The following CACNA2D3 variants were observed in gnomAD, a reference collection of about 807,000 sequenced individuals.
CACNA2D3 encodes calcium voltage-gated channel auxiliary subunit alpha2delta 3.
CACNA2D3 carries 60 observed loss-of-function variants against 160.6 expected under a neutral mutation model. The ratio of observed to expected loss-of-function variants is 0.37; its 90% CI spans 0.30 to 0.46. The LOEUF is 0.46. Ranked by LOEUF, CACNA2D3 falls within the 20% of genes least tolerant of loss-of-function variation. The probability of loss-of-function intolerance (pLI) is 1.00; values close to 1 mark genes in which losing one functional copy is unlikely to be tolerated. For synonymous variants in CACNA2D3, 558 were observed against 492.9 expected, an observed-to-expected ratio of 1.13 and a Z score of -1.75; for missense variants, 1,205 against 1,365.0, an observed-to-expected ratio of 0.88 and a Z score of 1.85.
At chr3:54,175,537 C>T (rs1018139762) in intron 2 of CACNA2D3, among the ~76,000 whole-genome samples, 6 of 147,222 alleles carry the variant, frequency 4.1e-5, no homozygotes, top group Middle Eastern at 7.2e-3. Context: ...GGTGTGAACC[C>T]GGGAGGCAGA....
At chr3:54,682,586 G>C (rs1700374092) in intron 11 of CACNA2D3, among the ~76,000 whole-genome samples, 1 of 152,238 alleles carries the variant, frequency 6.6e-6, no homozygotes, top group East Asian at 1.9e-4. Flanking sequence ...ACTCCAGCCT[G>C]GGTGACAGAG....
chr3:54,308,059 A>C (rs573273391), intron 2 of CACNA2D3, among the ~76,000 whole-genome samples: 1 of 152,254 alleles, frequency 6.6e-6, no homozygotes, highest in African/African-American at 2.4e-5. Context: ...CTTTCTGTAG[A>C]TTGTGGCTTG....
intron 2 of CACNA2D3, among the ~76,000 whole-genome samples, chr3:54,221,977 G>A (rs531990340): frequency 3.3e-4 from 50 of 152,112 alleles, no homozygotes; most frequent in Non-Finnish European, 6.5e-4. Context: ...GCCTCCCAAA[G>A]TGTTGGGATA....
At chr3:54,918,811 T>A (rs906714879) in intron 27 of CACNA2D3, 21 of 1,613,356 alleles carry the variant, frequency 1.3e-5, no homozygotes, top group Non-Finnish European at 1.8e-5. Context: ...GCAGGGCTGG[T>A]ACAGCTCATG....
intron 30 of CACNA2D3, among the ~76,000 whole-genome samples, chr3:54,985,894 A>G (rs1173851864): frequency 6.6e-6 from 1 of 152,166 alleles, no homozygotes. Context: ...CAAAATGCCC[A>G]TTCCCAGTCT....
chr3:54,156,923 A>G (rs566677064), intron 2 of CACNA2D3, among the ~76,000 whole-genome samples: 1 of 152,314 alleles, frequency 6.6e-6, no homozygotes, highest in Admixed American at 6.5e-5. Context: ...TATTTTTTTA[A>G]GCTATTAGTT....
intron 4 of CACNA2D3, among the ~76,000 whole-genome samples, chr3:54,417,451 A>G (rs1367100726): frequency 6.6e-6 from 1 of 152,050 alleles, no homozygotes; most frequent in Admixed American, 6.6e-5. Flanking sequence ...GGACTAGTTT[A>G]TTTTCTTTCC....
intron 5 of CACNA2D3, among the ~76,000 whole-genome samples, chr3:54,554,070 T>A (rs1702201809): frequency 6.6e-6 from 1 of 152,046 alleles, no homozygotes; most frequent in South Asian, 2.1e-4. Context: ...CAAGTCAGGG[T>A]TTTTGATCTT....
At chr3:54,740,256 G>A (rs2107039728) in intron 11 of CACNA2D3, among the ~76,000 whole-genome samples, 1 of 152,230 alleles carries the variant, frequency 6.6e-6, no homozygotes, top group South Asian at 2.1e-4. Context: ...AAGACACAAT[G>A]ATTGCTTAGG....
At chr3:54,425,803 C>T (rs1041262701) in intron 4 of CACNA2D3, among the ~76,000 whole-genome samples, 1 of 152,356 alleles carries the variant, frequency 6.6e-6, no homozygotes, top group Non-Finnish European at 1.5e-5. Flanking sequence ...TTCCCTGCCC[C>T]GGAGCATCCC....
At chr3:54,922,715 C>T (rs1344307930) in intron 27 of CACNA2D3, among the ~76,000 whole-genome samples, 1 of 152,050 alleles carries the variant, frequency 6.6e-6, no homozygotes, top group Non-Finnish European at 1.5e-5. Flanking sequence ...CTTAAATATA[C>T]AACCTCCAAC....
rs146148236 is a variant in CACNA2D3 at position 54,705,008 on chromosome 3, C to T, written c.1168-47591C>T. Among the ~76,000 whole-genome samples, 835 of 152,238 alleles carry T rather than the reference C, an allele frequency of 5.5e-3. 4 individuals are homozygous for T. The highest frequency in any genetic ancestry group is 0.01 in the Middle Eastern group (3 of 294). On this transcript the variant is annotated intron_variant, in intron 11 of 37. Coordinates refer to ENST00000474759, the MANE Select transcript of CACNA2D3 (RefSeq NM_018398.3). ...CTGAGCTCTGCTGGGTACAGAGCTACTGTGGACCATGGAGTGTAGCTGGCC... is the reference window on the plus strand; with the variant it reads ...CTGAGCTCTGCTGGGTACAGAGCTATTGTGGACCATGGAGTGTAGCTGGCC...
chr3:54,580,527 G>C (rs895344852), intron 8 of CACNA2D3, among the ~76,000 whole-genome samples: 1 of 152,170 alleles, frequency 6.6e-6, no homozygotes, highest in Non-Finnish European at 1.5e-5. Context: ...GGGTCTGGGA[G>C]AGATGGTTCT....
intron 4 of CACNA2D3, among the ~76,000 whole-genome samples, chr3:54,498,401 C>T (rs926987874): frequency 1.3e-5 from 2 of 151,954 alleles, no homozygotes; most frequent in African/African-American, 4.8e-5. Flanking sequence ...CTTATCCTTT[C>T]ATTATCTGTA....
intron 31 of CACNA2D3, among the ~76,000 whole-genome samples, chr3:54,988,899 G>C (rs1316256817): frequency 6.6e-6 from 1 of 152,130 alleles, no homozygotes; most frequent in Non-Finnish European, 1.5e-5. Context: ...AGGCCTGCCT[G>C]TAGCAGATCG....
At chr3:54,947,152 T>A (rs1319392362) in intron 27 of CACNA2D3, among the ~76,000 whole-genome samples, 1 of 152,202 alleles carries the variant, frequency 6.6e-6, no homozygotes, top group Non-Finnish European at 1.5e-5. Flanking sequence ...CCAGTTTTCA[T>A]CATCATAATC....
At chr3:54,982,726 T>A (rs1047346467) in intron 29 of CACNA2D3, among the ~76,000 whole-genome samples, 5 of 151,696 alleles carry the variant, frequency 3.3e-5, no homozygotes, top group East Asian at 3.9e-4. Context: ...TTTTTTTTTT[T>A]AATTATAGGC....
intron 4 of CACNA2D3, among the ~76,000 whole-genome samples, chr3:54,438,501 C>G (rs9822329): frequency 2.5e-4 from 38 of 152,116 alleles, no homozygotes; most frequent in African/African-American, 8.5e-4. Flanking sequence ...GAGCAACTCC[C>G]TGGGCGATGG....
chr3:55,057,853 G>T (rs1479726802), intron 35 of CACNA2D3, among the ~76,000 whole-genome samples: 2 of 152,076 alleles, frequency 1.3e-5, no homozygotes, highest in African/African-American at 4.8e-5. Context: ...TCTTGTGAGA[G>T]ATTTTTTTCC....
Sources: allele counts gnomAD v4.1 joint callset (sites outside exome capture counted in the v4.1 genomes callset), GRCh38; gene constraint gnomAD v4.1.1; transcripts MANE v1.5; gene names NCBI Gene and HGNC (gene_info 2026-07-23, HGNC 2026-07-21).